The following CPNE4 variants were observed in gnomAD, a reference collection of about 807,000 sequenced individuals.
The protein encoded by CPNE4 is copine 4.
In CPNE4, 25 loss-of-function variants were observed where a neutral mutation model predicts 67.9. The observed-to-expected ratio is 0.37, with a 90% CI of 0.27 to 0.51. The LOEUF (loss-of-function observed/expected upper bound fraction) is 0.51, where lower values mean the gene tolerates loss of function less well. CPNE4 is among the 20% of genes least tolerant of loss of function. The pLI is 0.93. For synonymous variants in CPNE4, 242 were observed against 244.9 expected (o/e 0.99, Z 0.11); for missense variants, 464 against 690.8 (o/e 0.67, Z 3.68).
At chr3:131,676,994 C>A (rs911602088) in intron 6 of CPNE4, among the ~76,000 whole-genome samples, 1 of 151,952 alleles carries the variant, frequency 6.6e-6, no homozygotes, top group South Asian at 2.1e-4. Flanking sequence ...TACACTCCCA[C>A]CAACAGTGTA....
At chr3:131,955,428 T>TTTTTTTG in intron 1 of CPNE4, among the ~76,000 whole-genome samples, 3 of 136,422 alleles carry the variant, frequency 2.2e-5, no homozygotes, top group Non-Finnish European at 3.1e-5. Flanking sequence ...TTTTTTTTTT[T>TTTTTTTG]TTTTTTGTAT....
rs79681044 is a variant in CPNE4, at chr3:131,574,826, C to T, written c.927+245G>A. The stretch of plus-strand genomic sequence containing the variant: ...AAATGGGAAGCGTTAGGAGGATTTC[C>T]TAGACCACCTGAGGTTGAGTGGCAT... On this transcript the variant is annotated intron_variant, in intron 10 of 15. Transcript: ENST00000429747. Among the ~76,000 whole-genome samples, 805 of 152,206 alleles carry T rather than the reference C, an allele frequency of 5.3e-3. 7 individuals carry two copies. Among genetic ancestry groups the T allele is most frequent in the African/African-American group, 0.018 (738 of 41,542 alleles).
chr3:131,743,390 A>G (rs56705482), intron 2 of CPNE4, among the ~76,000 whole-genome samples: 3 of 152,248 alleles, frequency 2.0e-5, no homozygotes, highest in African/African-American at 7.2e-5. Context: ...CAGGCCACAC[A>G]GAAAGCTAGA....
intron 9 of CPNE4, among the ~76,000 whole-genome samples, chr3:131,579,013 G>A (rs1033235694): frequency 6.6e-6 from 1 of 151,408 alleles, no homozygotes; most frequent in Non-Finnish European, 1.5e-5. Flanking sequence ...TTTCATTGTA[G>A]AACAAGGAAG....
At chr3:131,700,021 C>CTAGTCATTT in intron 3 of CPNE4, 41 bp from the exon 4 acceptor site, 1 of 1,017,878 alleles carries the variant, frequency 9.8e-7, no homozygotes, top group Non-Finnish European at 1.5e-6. Flanking sequence ...GGTAGAGATA[C>CTAGTCATTT]TAGTCATTTA....
chr3:131,787,450 A>ATATATATAT (rs1270407452), intron 2 of CPNE4, among the ~76,000 whole-genome samples: 1 of 152,130 alleles, frequency 6.6e-6, no homozygotes, highest in Non-Finnish European at 1.5e-5. Flanking sequence ...CCCACATGAC[A>ATATATATAT]AGGCTTTTTA....
intron 1 of CPNE4, among the ~76,000 whole-genome samples, chr3:131,944,713 C>CATAAATAAAATAAAATAAAATAAAATAAA (rs770428515): frequency 6.6e-6 from 1 of 152,072 alleles, no homozygotes; most frequent in African/African-American, 2.4e-5. Context: ...AATCAATTTA[C>CATAAATAAAATAAAATAAAATAAAATAAA]ATCTTAATTT....
At chr3:131,816,495 G>C (rs1421481761) in intron 2 of CPNE4, among the ~76,000 whole-genome samples, 2 of 152,162 alleles carry the variant, frequency 1.3e-5, no homozygotes, top group African/African-American at 4.8e-5. Context: ...AATACGAGCA[G>C]TTTTCTTCTC....
At chr3:131,606,009 T>C (rs1939481178) in intron 7 of CPNE4, among the ~76,000 whole-genome samples, 1 of 152,172 alleles carries the variant, frequency 6.6e-6, no homozygotes, top group Non-Finnish European at 1.5e-5. Flanking sequence ...CCTGTGTCTC[T>C]GTTTCTAAAT....
In CPNE4 at chr3:131,808,705, A is replaced by G. The variant is rs115411220; in HGVS notation, c.181-85080T>C. ...ATTAGGGAAAAAGCAGTAAAGAAACATTCTGTGAGAAAACCTATCTAATAA... is the reference window on the plus strand; with the variant it reads ...ATTAGGGAAAAAGCAGTAAAGAAACGTTCTGTGAGAAAACCTATCTAATAA... On this transcript the variant is annotated intron_variant, in intron 2 of 15. Coordinates refer to ENST00000429747, the MANE Select transcript of CPNE4 (RefSeq NM_130808.3). Among the ~76,000 whole-genome samples, 368 of 152,350 alleles carry G rather than the reference A, an allele frequency of 2.4e-3. 4 individuals are homozygous for G. The highest frequency in any genetic ancestry group is 0.01 in the Middle Eastern group (3 of 294).
At chr3:131,841,003 C>T (rs2085759898) in intron 2 of CPNE4, among the ~76,000 whole-genome samples, 1 of 152,180 alleles carries the variant, frequency 6.6e-6, no homozygotes, top group African/African-American at 2.4e-5. Flanking sequence ...ATCACCACTT[C>T]TTAAGGGAGA....
At chr3:131,614,089 T>C (rs1387539355) in intron 7 of CPNE4, among the ~76,000 whole-genome samples, 1 of 152,104 alleles carries the variant, frequency 6.6e-6, no homozygotes, top group South Asian at 2.1e-4. Context: ...ATTTTATTGG[T>C]TTGTAGCCCA....
chr3:131,672,376 T>C (rs1041130790), intron 6 of CPNE4, among the ~76,000 whole-genome samples: 1 of 152,126 alleles, frequency 6.6e-6, no homozygotes, highest in African/African-American at 2.4e-5. Flanking sequence ...ATATGGTTGT[T>C]CTATTTTTAA....
chr3:131,569,383 C>T (rs1037078122), intron 10 of CPNE4, among the ~76,000 whole-genome samples: 7 of 151,750 alleles, frequency 4.6e-5, no homozygotes, highest in African/African-American at 1.7e-4. Context: ...ACTTATAATC[C>T]CAGTGCTTTG....
At chr3:131,540,803 A>T (rs1935438309) in intron 15 of CPNE4, among the ~76,000 whole-genome samples, 1 of 152,208 alleles carries the variant, frequency 6.6e-6, no homozygotes, top group South Asian at 2.1e-4. Flanking sequence ...AGCCCTATGC[A>T]GGGAGGGACT....
intron 1 of CPNE4, among the ~76,000 whole-genome samples, chr3:131,969,355 C>T (rs748718566): frequency 5.3e-5 from 8 of 151,076 alleles, no homozygotes; most frequent in Non-Finnish European, 1.0e-4. Flanking sequence ...CACATGTATC[C>T]CAGAACTTAA....
chr3:131,684,890 G>A (rs1313381509), intron 6 of CPNE4, among the ~76,000 whole-genome samples: 3 of 152,176 alleles, frequency 2.0e-5, no homozygotes, highest in African/African-American at 7.2e-5. Flanking sequence ...TAGGGGGTAA[G>A]GTAATAAGAG....
rs369274504 is a variant in CPNE4, at chr3:131,698,233, C to CAAAAAAAAA, written c.433-1626_433-1618dup. 9.0e-3 allele frequency among the ~76,000 whole-genome samples: 578 copies of CAAAAAAAAA among 64,408 alleles called. 47 individuals are homozygous for CAAAAAAAAA. Among genetic ancestry groups the CAAAAAAAAA allele is most frequent in the Non-Finnish European group, 0.01 (398 of 37,988 alleles). The allele number at this position is 64,408 out of a possible 152,430, so 42.3% of individuals were successfully genotyped here. On this transcript the variant is annotated intron_variant, in intron 4 of 15. Coordinates refer to ENST00000429747, the MANE Select transcript of CPNE4 (RefSeq NM_130808.3). Reference sequence around the variant, plus strand: ...CTGGGAGAGGGGCAAGGCTCTGTCTCAAAAAAAAAAAAAAAAAAAAGAAAG... The same window carrying CAAAAAAAAA: ...CTGGGAGAGGGGCAAGGCTCTGTCTCAAAAAAAAAAAAAAAAAAAAAAAAAAAAAGAAAG...
chr3:132,014,216 G>T (rs1377054770), intron 1 of CPNE4, among the ~76,000 whole-genome samples: 3 of 152,134 alleles, frequency 2.0e-5, no homozygotes, highest in African/African-American at 4.8e-5. Context: ...AGGCTGGAAG[G>T]CCCTGGGAAT....
Sources: gnomAD v4.1 joint callset for allele counts (sites outside exome capture counted in the v4.1 genomes callset) on GRCh38, gnomAD v4.1.1 for gene constraint, MANE v1.5 for transcripts, NCBI Gene and HGNC (gene_info 2026-07-23, HGNC 2026-07-21) for gene names.